The following PHACTR1 variants were observed in gnomAD, a reference collection of about 807,000 sequenced individuals.
PHACTR1 encodes phosphatase and actin regulator 1.
In PHACTR1, 16 loss-of-function variants were observed where a neutral mutation model predicts 69.2. That is an observed-to-expected ratio of 0.23 (90% CI 0.16 to 0.35). The LOEUF (loss-of-function observed/expected upper bound fraction) is 0.35. Ranked by LOEUF, PHACTR1 falls within the 10% of genes least tolerant of loss-of-function variation. The pLI, the probability that PHACTR1 is intolerant of heterozygous loss-of-function variation, is 1.00. For missense variants in PHACTR1, 510 were observed against 734.7 expected (o/e 0.69, Z 3.54); for synonymous variants, 312 against 284.5 (o/e 1.10, Z -0.97).
chr6:13,286,307 A>AGC, intron 14 of PHACTR1, 85 bp downstream of exon 14: 1 of 1,188,314 alleles, frequency 8.4e-7, no homozygotes, highest in Non-Finnish European at 1.2e-6. Flanking sequence ...CTTGTGGGAC[A>AGC]TGAGTGGGTT....
intron 4 of PHACTR1, among the ~76,000 whole-genome samples, chr6:12,916,965 G>A (rs1244008698): frequency 6.6e-6 from 1 of 152,166 alleles, no homozygotes; most frequent in African/African-American, 2.4e-5. Context: ...CAAGGATACT[G>A]TAGTGCTTCA....
chr6:12,821,795 A>G (rs932799395), intron 4 of PHACTR1, among the ~76,000 whole-genome samples: 4 of 152,232 alleles, frequency 2.6e-5, no homozygotes, highest in African/African-American at 9.6e-5. Context: ...TTATTGGCAC[A>G]TTGGATTTAG....
intron 5 of PHACTR1, among the ~76,000 whole-genome samples, chr6:13,055,869 A>C (rs1455682951): frequency 6.6e-6 from 1 of 152,258 alleles, no homozygotes; most frequent in Non-Finnish European, 1.5e-5. Flanking sequence ...AAAGAATGGA[A>C]ACATGTGACA....
intron 5 of PHACTR1, among the ~76,000 whole-genome samples, chr6:13,142,946 C>G (rs1429703994): frequency 1.3e-5 from 2 of 152,054 alleles, no homozygotes; most frequent in Non-Finnish European, 2.9e-5. Flanking sequence ...ATGAAGTCTC[C>G]CGGATATTTA....
chr6:12,907,712 GT>G (rs1785896976), intron 4 of PHACTR1, among the ~76,000 whole-genome samples: 1 of 151,396 alleles, frequency 6.6e-6, no homozygotes, highest in African/African-American at 2.4e-5. Flanking sequence ...CTAGGTTGGA[GT>G]TTGTGAGGGC....
intron 5 of PHACTR1, among the ~76,000 whole-genome samples, chr6:13,116,421 T>A (rs929604788): frequency 1.2e-4 from 18 of 152,234 alleles, no homozygotes; most frequent in Non-Finnish European, 2.5e-4. Context: ...TTGTCTTTTT[T>A]AAAAAGTAGC....
rs553202636 is a variant in PHACTR1 at position 12,828,766 on chromosome 6, A to G, written c.250+78976A>G. Among the ~76,000 whole-genome samples, 33 of 152,300 alleles carry G rather than the reference A, an allele frequency of 2.2e-4. No individual in the cohort carries two copies. The South Asian group carries it at 5.6e-3, about 26-fold the overall frequency. On this transcript the variant is annotated intron_variant, in intron 4 of 14. Coordinates refer to ENST00000332995, the MANE Select transcript of PHACTR1 (RefSeq NM_030948.6). The stretch of plus-strand genomic sequence containing the variant: ...GAAAAATAATGCTTCGTTGTAAAAA[A>G]AAACACAAGCTCTTTTAGAAAGCAA...
chr6:12,948,123 C>A (rs1445683783), intron 4 of PHACTR1, among the ~76,000 whole-genome samples: 1 of 152,160 alleles, frequency 6.6e-6, no homozygotes, highest in Non-Finnish European at 1.5e-5. Context: ...GATGGTTCTG[C>A]ATCATTAGTC....
At chr6:13,223,447 T>C (rs947836320) in intron 8 of PHACTR1, among the ~76,000 whole-genome samples, 3 of 152,194 alleles carry the variant, frequency 2.0e-5, no homozygotes, top group African/African-American at 7.2e-5. Flanking sequence ...AGTGGCCTGG[T>C]CATGGCAGGG....
chr6:13,152,897 C>T (rs566623520), intron 5 of PHACTR1, among the ~76,000 whole-genome samples: 6 of 151,736 alleles, frequency 4.0e-5, no homozygotes, highest in Admixed American at 6.6e-5. Context: ...ACAGGCAAGA[C>T]AGAATAAGCA....
chr6:12,806,159 C>A (rs748011934), intron 4 of PHACTR1, among the ~76,000 whole-genome samples: 1 of 152,156 alleles, frequency 6.6e-6, no homozygotes. Flanking sequence ...AAAATCTACA[C>A]CTTCTGCGAT....
At chr6:13,220,971 T>C (rs561241124) in intron 8 of PHACTR1, among the ~76,000 whole-genome samples, 5 of 152,194 alleles carry the variant, frequency 3.3e-5, no homozygotes, top group Non-Finnish European at 7.3e-5. Flanking sequence ...CCTGTAATTA[T>C]AACATAATGT....
intron 4 of PHACTR1, among the ~76,000 whole-genome samples, chr6:12,946,176 G>A (rs1790650336): frequency 6.6e-6 from 1 of 151,856 alleles, no homozygotes; most frequent in African/African-American, 2.4e-5. Flanking sequence ...TGTCCAGTGA[G>A]AAGGTGGGTA....
intron 4 of PHACTR1, among the ~76,000 whole-genome samples, chr6:12,825,305 C>A (rs899073613): frequency 6.7e-6 from 1 of 150,294 alleles, no homozygotes; most frequent in African/African-American, 2.5e-5. Context: ...AGAACAAAAC[C>A]CTCTCTCTCT....
In PHACTR1 at chr6:12,836,065, T is replaced by C. The variant is rs1355641673; in HGVS notation, c.250+86275T>C. ...TTTATTTAAAACCACAAAACAACAA[T>C]AATAATGGTTGCAATGCTTTTGAAC... On this transcript the variant is annotated intron_variant, in intron 4 of 14. Transcript: ENST00000332995. Among the ~76,000 whole-genome samples the C allele has an allele frequency of 2.0e-5, 3 of 152,058 alleles. 1 individual carries two copies. The highest frequency in any genetic ancestry group is 4.4e-5 in the Non-Finnish European group (3 of 67,992).
chr6:13,054,568 C>G (rs1219456534), intron 5 of PHACTR1, among the ~76,000 whole-genome samples: 1 of 152,200 alleles, frequency 6.6e-6, no homozygotes, highest in Non-Finnish European at 1.5e-5. Flanking sequence ...AGCCATCTTG[C>G]TGTACACTCA....
chr6:12,874,451 A>C (rs1405641016), intron 4 of PHACTR1, among the ~76,000 whole-genome samples: 1 of 152,194 alleles, frequency 6.6e-6, no homozygotes, highest in Non-Finnish European at 1.5e-5. Flanking sequence ...ATAAATACCA[A>C]ATGGCTATTC....
chr6:12,736,525 A>G (rs1198260179), intron 3 of PHACTR1, among the ~76,000 whole-genome samples: 1 of 152,164 alleles, frequency 6.6e-6, no homozygotes, highest in Non-Finnish European at 1.5e-5. Context: ...AGTATTATCA[A>G]TCTGTGGGCA....
intron 3 of PHACTR1, among the ~76,000 whole-genome samples, chr6:12,738,214 T>G (rs1764548474): frequency 6.6e-6 from 1 of 152,214 alleles, no homozygotes; most frequent in African/African-American, 2.4e-5. Flanking sequence ...GTCTAACATT[T>G]TCTCATGATT....
Sources: allele counts gnomAD v4.1 joint callset (sites outside exome capture counted in the v4.1 genomes callset), GRCh38; gene constraint gnomAD v4.1.1; transcripts MANE v1.5; gene names NCBI Gene and HGNC (gene_info 2026-07-23, HGNC 2026-07-21).